SBF2: variants seen among roughly 807,000 people sequenced by gnomAD.
The protein encoded by SBF2 is myotubularin-related protein 13.
Under a neutral mutation model 225.2 loss-of-function variants are expected in SBF2, and 112 were observed. The observed-to-expected ratio is 0.50, with a 90% CI of 0.43 to 0.58. The LOEUF is 0.58. SBF2 is among the 20% of genes least tolerant of loss of function. The pLI is 0.00. For synonymous variants in SBF2, 763 were observed against 773.3 expected, an observed-to-expected ratio of 0.99 and a Z score of 0.22; for missense variants, 1,996 against 2,206.2, an observed-to-expected ratio of 0.90 and a Z score of 1.91.
chr11:10,265,753 A>G (rs2957652), intron 1 of SBF2, among the ~76,000 whole-genome samples: 3,084 of 152,204 alleles, frequency 0.02, 101 homozygotes, highest in African/African-American at 0.062. Flanking sequence ...TGGTGCAATC[A>G]TGGCTCACCA....
At chr11:10,048,295 C>T (rs903441487) in intron 2 of SBF2, among the ~76,000 whole-genome samples, 1 of 152,066 alleles carries the variant, frequency 6.6e-6, no homozygotes, top group Non-Finnish European at 1.5e-5. Context: ...CCTTTTTATT[C>T]TAGAATAGCA....
chr11:10,160,584 C>T (rs1190910208), intron 2 of SBF2, among the ~76,000 whole-genome samples: 1 of 152,124 alleles, frequency 6.6e-6, no homozygotes, highest in Non-Finnish European at 1.5e-5. Flanking sequence ...TATGAGTCAT[C>T]TTCATATTTT....
At chr11:10,274,326 A>C (rs1022738943) in intron 1 of SBF2, among the ~76,000 whole-genome samples, 2 of 152,240 alleles carry the variant, frequency 1.3e-5, no homozygotes, top group African/African-American at 2.4e-5. Context: ...ATTCATCGTG[A>C]CAAAATCTGA....
intron 13 of SBF2, among the ~76,000 whole-genome samples, chr11:9,970,192 T>C (rs925414160): frequency 4.6e-5 from 7 of 151,950 alleles, no homozygotes; most frequent in Non-Finnish European, 8.8e-5. Flanking sequence ...TTAAACTCAA[T>C]ACTATCCCAT....
chr11:10,144,579 A>G (rs1240033370), intron 2 of SBF2, among the ~76,000 whole-genome samples: 1 of 152,228 alleles, frequency 6.6e-6, no homozygotes, highest in African/African-American at 2.4e-5. Context: ...ACTTTACAAG[A>G]ACTATGCTTC....
intron 2 of SBF2, among the ~76,000 whole-genome samples, chr11:10,167,916 G>A (rs1385438233): frequency 1.3e-5 from 2 of 152,224 alleles, no homozygotes; most frequent in Non-Finnish European, 2.9e-5. Context: ...TACTTGGGAG[G>A]CTGAGGCAGG....
intron 1 of SBF2, among the ~76,000 whole-genome samples, chr11:10,278,788 TAAAAAAAAA>T (rs11370521): frequency 8.0e-6 from 1 of 125,008 alleles, no homozygotes; most frequent in Non-Finnish European, 1.7e-5. Context: ...TCCATCTCAA[TAAAAAAAAA>T]AAAAAAAGAA....
At chr11:10,154,179 G>C (rs1955357544) in intron 2 of SBF2, among the ~76,000 whole-genome samples, 1 of 151,614 alleles carries the variant, frequency 6.6e-6, no homozygotes, top group Admixed American at 6.6e-5. Flanking sequence ...ATATAAATTT[G>C]AATTCCAATA....
At chr11:9,956,269 T>C (rs919511369) in intron 16 of SBF2, among the ~76,000 whole-genome samples, 3 of 152,196 alleles carry the variant, frequency 2.0e-5, no homozygotes, top group Admixed American at 2.0e-4. Flanking sequence ...AGAGCTCCTC[T>C]AGGAAGGAAA....
chr11:10,032,279 C>G (rs953874854), intron 3 of SBF2, among the ~76,000 whole-genome samples: 1 of 152,106 alleles, frequency 6.6e-6, no homozygotes, highest in Non-Finnish European at 1.5e-5. Context: ...ACCTATATCC[C>G]ACTGTCAACA....
At chr11:10,250,297 T>C (rs747046974) in intron 1 of SBF2, among the ~76,000 whole-genome samples, 30 of 152,244 alleles carry the variant, frequency 2.0e-4, no homozygotes, top group Non-Finnish European at 4.1e-4. Flanking sequence ...TTATCTGCGC[T>C]ATGCACCTAA....
At chr11:10,211,832 C>A (rs932613681) in intron 1 of SBF2, among the ~76,000 whole-genome samples, 1 of 152,150 alleles carries the variant, frequency 6.6e-6, no homozygotes, top group Admixed American at 6.5e-5. Context: ...AGTTAACTAC[C>A]AAGTGCCTGT....
rs183277677 is a variant in SBF2, at chr11:10,158,597, T to C, written c.141+35305A>G. On this transcript the variant is annotated intron_variant, in intron 2 of 39. Coordinates refer to ENST00000256190, the MANE Select transcript of SBF2 (RefSeq NM_030962.4). ...AGAAATGTATCAATTCCTAGAAACA[T>C]AAAACCTACTAACACTGAATCATGA... 3.9e-5 allele frequency among the ~76,000 whole-genome samples: 6 copies of C among 152,124 alleles called. No homozygotes were observed. In the East Asian group the frequency reaches 1.2e-3, roughly 29 times the overall value.
intron 1 of SBF2, among the ~76,000 whole-genome samples, chr11:10,267,066 C>T (rs1962069171): frequency 6.6e-6 from 1 of 152,086 alleles, no homozygotes; most frequent in African/African-American, 2.4e-5. Flanking sequence ...TGCACTCCAG[C>T]CTGGGTGACA....
rs1207040016 is a variant in SBF2, at chr11:9,968,370, T to G, written c.1571A>C (p.Lys524Thr). Reference sequence around the variant, plus strand: ...AGGTGGACCTGCTGGCACAACACATTTCTTTTCTATTCGTGTGGCAGGAGG... The same window carrying G: ...AGGTGGACCTGCTGGCACAACACATGTCTTTTCTATTCGTGTGGCAGGAGG... ...NAPPATRIEK[K>T]CVVPAGPPVV... Residue 524 changes from lysine (K) to threonine (T), a missense_variant, in exon 14 of 40, where the codon AAA (lysine) becomes ACA (threonine). Lys to Thr is a moderately conservative substitution (Grantham distance 78). Transcript: ENST00000256190. 1.2e-6 allele frequency: 2 copies of G among 1,614,136 alleles called. No individual in the cohort carries two copies. The highest frequency in any genetic ancestry group is 1.7e-6 in the Non-Finnish European group (2 of 1,180,024).
intron 16 of SBF2, among the ~76,000 whole-genome samples, chr11:9,943,669 CA>C (rs1306416348): frequency 6.6e-6 from 1 of 151,978 alleles, no homozygotes; most frequent in Non-Finnish European, 1.5e-5. Context: ...ATGATAATTA[CA>C]ATGATATGTC....
intron 17 of SBF2, among the ~76,000 whole-genome samples, chr11:9,871,304 A>G (rs1174561111): frequency 6.6e-6 from 1 of 151,776 alleles, no homozygotes; most frequent in Non-Finnish European, 1.5e-5. Flanking sequence ...TTACAAGAAA[A>G]AAAGACCCCA....
chr11:10,183,013 C>T (rs111755880), intron 2 of SBF2, among the ~76,000 whole-genome samples: 8,146 of 152,046 alleles, frequency 0.054, 302 homozygotes, highest in Middle Eastern at 0.14. Context: ...CTTTGTGATC[C>T]GCCCGCCTCG....
At chr11:10,130,510 C>A (rs1417383791) in intron 2 of SBF2, among the ~76,000 whole-genome samples, 4 of 152,044 alleles carry the variant, frequency 2.6e-5, no homozygotes, top group Non-Finnish European at 5.9e-5. Flanking sequence ...CTCAGTTCCC[C>A]CCATGGTTAT....
Sources: allele counts gnomAD v4.1 joint callset (sites outside exome capture counted in the v4.1 genomes callset), GRCh38; gene constraint gnomAD v4.1.1; transcripts MANE v1.5; gene names NCBI Gene and HGNC (gene_info 2026-07-23, HGNC 2026-07-21).